The following TNR variants were observed in gnomAD, a reference collection of about 807,000 sequenced individuals.
TNR encodes the protein tenascin R, also known as tenascin-R.
Under a neutral mutation model 150.4 loss-of-function variants are expected in TNR, and 45 were observed. That is an observed-to-expected ratio of 0.30 (90% CI 0.24 to 0.38). TNR has a LOEUF of 0.38. Among genes scored for constraint, TNR ranks in the 10% least tolerant of loss-of-function variants. TNR has a pLI of 1.00. For missense variants in TNR, 1,544 were observed against 1,759.1 expected, an observed-to-expected ratio of 0.88 and a Z score of 2.19; for synonymous variants, 687 against 678.4, an observed-to-expected ratio of 1.01 and a Z score of -0.20.
At chr1:175,603,498 C>T (rs1426237432) in intron 1 of TNR, among the ~76,000 whole-genome samples, 1 of 152,234 alleles carries the variant, frequency 6.6e-6, no homozygotes, top group East Asian at 1.9e-4. Flanking sequence ...ACTGAATGGA[C>T]ACTAGCAGGA....
At chr1:175,433,350 A>G (rs1655356821) in intron 2 of TNR, among the ~76,000 whole-genome samples, 1 of 152,198 alleles carries the variant, frequency 6.6e-6, no homozygotes, top group South Asian at 2.1e-4. Flanking sequence ...GGTCTTCACT[A>G]TCAAGGAGTA....
chr1:175,686,909 A>C (rs1189452714), intron 1 of TNR, among the ~76,000 whole-genome samples: 2 of 152,170 alleles, frequency 1.3e-5, no homozygotes. Flanking sequence ...ACTTAAGTTG[A>C]TTCCATGACT....
intron 1 of TNR, among the ~76,000 whole-genome samples, chr1:175,661,604 A>G (rs1439942290): frequency 3.3e-5 from 5 of 152,086 alleles, no homozygotes; most frequent in African/African-American, 4.8e-5. Flanking sequence ...AGTAAAGCAA[A>G]TGTCTTCCCA....
intron 18 of TNR, among the ~76,000 whole-genome samples, chr1:175,342,538 A>G (rs1262194381): frequency 6.6e-6 from 1 of 152,204 alleles, no homozygotes; most frequent in Non-Finnish European, 1.5e-5. Context: ...GGTGGACTTT[A>G]AGCTCAACTT....
At chr1:175,622,338 T>C (rs922277626) in intron 1 of TNR, among the ~76,000 whole-genome samples, 1 of 152,196 alleles carries the variant, frequency 6.6e-6, no homozygotes, top group South Asian at 2.1e-4. Context: ...CAGGCACCCA[T>C]AGCACTCATG....
intron 10 of TNR, 35 bp from the exon 11 acceptor site, chr1:175,366,173 G>T: frequency 6.4e-7 from 1 of 1,552,658 alleles, no homozygotes; most frequent in African/African-American, 1.4e-5. Flanking sequence ...TTTTACATGT[G>T]TTCCCCTGGA....
chr1:175,475,785 C>A (rs577516459), intron 2 of TNR, among the ~76,000 whole-genome samples: 2 of 151,902 alleles, frequency 1.3e-5, no homozygotes, highest in African/African-American at 2.4e-5. Flanking sequence ...AAAAAAAACT[C>A]ATTCTTACCC....
chr1:175,505,564 C>T (rs570491714), intron 2 of TNR, among the ~76,000 whole-genome samples: 26 of 152,340 alleles, frequency 1.7e-4, no homozygotes, highest in Middle Eastern at 6.8e-3. Context: ...ATTACCCACG[C>T]CCGAACCAGC....
At chr1:175,331,082 T>TTTCCTTC (rs1557868122) in intron 20 of TNR, among the ~76,000 whole-genome samples, 32 of 86,504 alleles carry the variant, frequency 3.7e-4, no homozygotes, top group Non-Finnish European at 6.2e-4. Context: ...TCTTTCCTTC[T>TTTCCTTC]TTCTTTCTTT....
At chr1:175,594,951 G>A (rs1474919389) in intron 1 of TNR, among the ~76,000 whole-genome samples, 1 of 151,726 alleles carries the variant, frequency 6.6e-6, no homozygotes, top group East Asian at 1.9e-4. Flanking sequence ...GATCACCTAA[G>A]GTCAGGAGTT....
chr1:175,396,621 C>G lies in TNR; in HGVS notation c.1163G>C (p.Gly388Ala). 1 of 1,614,224 alleles carries G rather than the reference C, an allele frequency of 6.2e-7. No homozygotes were observed. Among genetic ancestry groups the G allele is most frequent in the African/African-American group, 1.3e-5 (1 of 75,060 alleles). The change falls in exon 5 of 23, where the codon GGT (glycine) becomes GCT (alanine). Residue 388 changes from glycine to alanine, a missense_variant. Coordinates refer to ENST00000367674, the MANE Select transcript of TNR (RefSeq NM_003285.3). ...SGVTITELEP[G>A]LTYNISVYAV... ...GTAGACGCTGATGTTGTAGGTGAGA[C>G]CTGGCTCCAGCTCCGTGATGGTGAC...
Position 175,379,557 on chromosome 1 carries a change from A to G in TNR, c.1958T>C (p.Leu653Pro). The G allele has an allele frequency of 6.2e-7, 1 of 1,612,846 alleles. No homozygotes were observed. The highest frequency in any genetic ancestry group is 8.5e-7 in the Non-Finnish European group (1 of 1,179,756). ...RGIGPTTRATLTDLVPGTEYG... is the reference protein window; with the variant it reads ...RGIGPTTRATPTDLVPGTEYG... The stretch of plus-strand genomic sequence containing the variant: ...AAGAGATAGGTCTTACTCACCTGTC[A>G]GGGTGGCCCTGGTGGTTGGACCAAT... Residue 653 changes from leucine to proline, a missense_variant, in exon 9 of 23, where the codon CTG (leucine) becomes CCG (proline). Leu to Pro is a moderately conservative substitution (Grantham distance 98, BLOSUM62 -3). This residue lies in a region of TNR where 1,254 missense variants were observed against 1,329.4 expected (regional missense o/e 0.94). Coordinates refer to ENST00000367674, the MANE Select transcript of TNR (RefSeq NM_003285.3).
At chr1:175,666,797 G>A (rs374114687) in intron 1 of TNR, among the ~76,000 whole-genome samples, 23 of 152,152 alleles carry the variant, frequency 1.5e-4, no homozygotes, top group African/African-American at 5.3e-4. Context: ...CACCAGGCTG[G>A]AGTCTAGTGG....
intron 1 of TNR, among the ~76,000 whole-genome samples, chr1:175,547,548 A>G (rs1016276649): frequency 3.5e-4 from 53 of 149,744 alleles, no homozygotes; most frequent in Non-Finnish European, 5.6e-4. Context: ...TAGACAAAGG[A>G]GAAAGAAAGA....
At chr1:175,577,305 T>C (rs1406878890) in intron 1 of TNR, among the ~76,000 whole-genome samples, 2 of 152,208 alleles carry the variant, frequency 1.3e-5, no homozygotes, top group African/African-American at 4.8e-5. Context: ...CTTTTCTTTG[T>C]CCTTGGGATC....
Position 175,386,191 on chromosome 1 carries a change from G to A in TNR, c.1618C>T (p.Leu540=), listed in dbSNP as rs775737592. 6 of 1,612,248 alleles carry A rather than the reference G, an allele frequency of 3.7e-6. No homozygotes were observed. In the East Asian group the frequency reaches 1.3e-4, roughly 36 times the overall value. Residue 540 remains leucine, a synonymous_variant, in exon 8 of 23, where the codon CTG becomes TTG. Coordinates refer to ENST00000367674, the MANE Select transcript of TNR (RefSeq NM_003285.3). ...GTCCTCCCACCTTCCCCGCCCACCAGGCCATATTTCAAAAGAATGAAATCG... is the reference window on the plus strand; with the variant it reads ...GTCCTCCCACCTTCCCCGCCCACCAAGCCATATTTCAAAAGAATGAAATCG... ...KVDFILLKYG[L]VGGEGGRTTF...
chr1:175,594,570 GAGGCCC>G (rs1662930577), intron 1 of TNR, among the ~76,000 whole-genome samples: 1 of 151,958 alleles, frequency 6.6e-6, no homozygotes, highest in Non-Finnish European at 1.5e-5. Context: ...AATTATTTTA[GAGGCCC>G]AGGCACAGTG....
At chr1:175,502,726 A>C (rs982571521) in intron 2 of TNR, among the ~76,000 whole-genome samples, 8 of 152,166 alleles carry the variant, frequency 5.3e-5, no homozygotes, top group Admixed American at 5.2e-4. Flanking sequence ...TGCAGTGGCG[A>C]GGGTTACAGA....
At chr1:175,631,339 T>A (rs1664320069) in intron 1 of TNR, among the ~76,000 whole-genome samples, 1 of 152,248 alleles carries the variant, frequency 6.6e-6, no homozygotes, top group African/African-American at 2.4e-5. Flanking sequence ...AATGGAATGT[T>A]ATATAGCTAT....
Sources: allele counts gnomAD v4.1 joint callset (sites outside exome capture counted in the v4.1 genomes callset), GRCh38; gene constraint gnomAD v4.1.1; regional missense constraint gnomAD v4.1.1; transcripts MANE v1.5; gene names NCBI Gene and HGNC (gene_info 2026-07-23, HGNC 2026-07-21).